COMMD2: variants seen among roughly 807,000 people sequenced by gnomAD.
COMMD2 encodes COMM domain containing 2.
A neutral mutation model predicts 22.5 loss-of-function variants in COMMD2; 25 were observed. That is an observed-to-expected ratio of 1.11 (90% CI 0.81 to 1.55). The LOEUF (loss-of-function observed/expected upper bound fraction) is 1.55. Among genes scored for constraint, COMMD2 ranks in the 40% most tolerant of loss-of-function variants. The pLI is 0.00. For missense variants in COMMD2, 223 were observed against 232.9 expected (o/e 0.96, Z 0.28); for synonymous variants, 98 against 91.2 (o/e 1.07, Z -0.42).
rs1242748557 is a variant in COMMD2, at chr3:149,740,675, G to A, written c.*846C>T. The A allele has an allele frequency of 6.6e-6, 1 of 152,154 alleles. No homozygotes were observed. Among genetic ancestry groups the A allele is most frequent in the Non-Finnish European group, 1.5e-5 (1 of 68,022 alleles). The allele number at this position is 152,154 out of a possible 1,614,324, so 9.4% of individuals were successfully genotyped here. ...AAATCCTATTGATGTTCAATATTCT[G>A]TGGCTATTAACACTGTGGGGTGTTT... On this transcript the variant is annotated 3_prime_UTR_variant, in exon 5 of 5. Transcript: ENST00000473414.
chr3:149,744,766 A>G (rs887516049), intron 4 of COMMD2, among the ~76,000 whole-genome samples: 1 of 152,168 alleles, frequency 6.6e-6, no homozygotes, highest in Non-Finnish European at 1.5e-5. Context: ...GTTTCAGCAA[A>G]TAAGCTGAGG....
At chr3:149,745,895 G>A (rs769850597) in intron 4 of COMMD2, among the ~76,000 whole-genome samples, 1 of 152,150 alleles carries the variant, frequency 6.6e-6, no homozygotes, top group Non-Finnish European at 1.5e-5. Context: ...TACTTTCAGT[G>A]ACATTGTGTT....
intron 4 of COMMD2, among the ~76,000 whole-genome samples, chr3:149,744,597 A>G (rs1461489224): frequency 6.6e-6 from 1 of 152,224 alleles, no homozygotes; most frequent in Non-Finnish European, 1.5e-5. Context: ...ATTAGGTGGT[A>G]ATTGTCCATC....
chr3:149,750,321 C>T, intron 4 of COMMD2: 1 of 399,716 alleles, frequency 2.5e-6, no homozygotes. Flanking sequence ...GTGTGAGTCA[C>T]AGTTAAATGC....
At chr3:149,752,098 A>G (rs1716547487) in intron 2 of COMMD2, 112 bp downstream of exon 2, 2 of 858,578 alleles carry the variant, frequency 2.3e-6, no homozygotes, top group African/African-American at 1.7e-5. Flanking sequence ...TTATTCTACT[A>G]CAATCGGAAC....
At chr3:149,745,758 C>G (rs1340620915) in intron 4 of COMMD2, among the ~76,000 whole-genome samples, 1 of 152,226 alleles carries the variant, frequency 6.6e-6, no homozygotes, top group African/African-American at 2.4e-5. Context: ...CTATGCCACC[C>G]ACTCTATCCC....
At chr3:149,749,857 T>C (rs1716482854) in intron 4 of COMMD2, among the ~76,000 whole-genome samples, 1 of 152,232 alleles carries the variant, frequency 6.6e-6, no homozygotes, top group African/African-American at 2.4e-5. Context: ...ATATTCTTTA[T>C]TCCCCATCAA....
At position 149,752,382 on chromosome 3, in the gene COMMD2, G is replaced by T. The variant is rs777839249; in HGVS notation, c.63C>A (p.Ser21Arg). ...EHLAFLPQVD[S>R]AVVAEFGRIA... ...ACCGCCCCCACGCCCGCTGACCCGC[G>T]CTGTCCACTTGAGGCAGGAAGGCCA... The change falls in exon 1 of 5, where the codon AGC (serine) becomes AGA (arginine). Residue 21 changes from serine (S) to arginine (R), a missense_variant. By Grantham distance (110) the Ser-to-Arg change is moderately radical. Transcript: ENST00000473414. 2 of 1,613,938 alleles carry T rather than the reference G, an allele frequency of 1.2e-6. No individual in the cohort carries two copies. The highest frequency in any genetic ancestry group is 1.1e-5 in the South Asian group (1 of 91,080).
Position 149,741,408 on chromosome 3 carries a change from G to T in COMMD2, c.*113C>A. The T allele has an allele frequency of 1.2e-6, 1 of 846,824 alleles. No individual in the cohort carries two copies. The highest frequency in any genetic ancestry group is 1.6e-5 in the South Asian group (1 of 62,558). 52.5% of individuals were successfully genotyped at this position (846,824 alleles called of 1,614,324 possible). On this transcript the variant is annotated 3_prime_UTR_variant, in exon 5 of 5. Transcript: ENST00000473414. ...CTCAGTATCTTGGAATAGATACTGA[G>T]GAATACTATGTATTTATCATCATGA...
At chr3:149,749,480 A>C (rs1219220763) in intron 4 of COMMD2, among the ~76,000 whole-genome samples, 1 of 152,226 alleles carries the variant, frequency 6.6e-6, no homozygotes, top group Non-Finnish European at 1.5e-5. Context: ...AGAAGCTTTA[A>C]AAAATCCTGA....
At position 149,741,451 on chromosome 3, in the gene COMMD2, T is replaced by A; in HGVS notation, c.*70A>T. ...CATCATGAATTAATAAAAAATTAAT[T>A]TTGAAAAGTAATTGCTGTATATCAT... On this transcript the variant is annotated 3_prime_UTR_variant, in exon 5 of 5. Transcript: ENST00000473414. 4.0e-6 allele frequency: 5 copies of A among 1,239,104 alleles called. No homozygotes were observed. In the Admixed American group the frequency reaches 8.7e-5, roughly 21 times the overall value. 76.8% of individuals were successfully genotyped at this position (1,239,104 alleles called of 1,614,324 possible).
chr3:149,750,966 G>A (rs1351512515), intron 3 of COMMD2, 115 bp from the exon 4 acceptor site: 4 of 683,502 alleles, frequency 5.9e-6, no homozygotes, highest in Non-Finnish European at 9.0e-6. Flanking sequence ...AAAAGAAACA[G>A]CATTCCTTAA....
chr3:149,746,121 A>G (rs1206695572), intron 4 of COMMD2, among the ~76,000 whole-genome samples: 1 of 152,212 alleles, frequency 6.6e-6, no homozygotes, highest in African/African-American at 2.4e-5. Context: ...AATTCAATCT[A>G]TCTTGAACTG....
intron 1 of COMMD2, 42 bp downstream of exon 1, chr3:149,752,336 C>T: frequency 6.2e-7 from 1 of 1,613,808 alleles, no homozygotes; most frequent in Non-Finnish European, 8.5e-7. Flanking sequence ...TGCCTTTGAC[C>T]TCCTCCCCAG....
chr3:149,741,493 C>G lies in COMMD2; in HGVS notation c.*28G>C, dbSNP rs935764449. ...GTATATCATCAATTCATAAGTGATT[C>G]AAATGAATTAAAACCTTAAAACTGG... On this transcript the variant is annotated 3_prime_UTR_variant, in exon 5 of 5. Coordinates refer to ENST00000473414, the MANE Select transcript of COMMD2 (RefSeq NM_016094.4). The G allele has an allele frequency of 6.4e-7, 1 of 1,564,014 alleles. No homozygotes were observed.
intron 4 of COMMD2, among the ~76,000 whole-genome samples, chr3:149,746,736 T>C (rs1716382292): frequency 1.3e-5 from 2 of 152,120 alleles, no homozygotes; most frequent in South Asian, 2.1e-4. Context: ...TGAGCCGAGA[T>C]TGCACCACTG....
At position 149,738,811 on chromosome 3, in the gene COMMD2, T is replaced by C. The variant is rs1716128934; in HGVS notation, c.*2710A>G. ...ACCCTTCATGATTTTTCAAACCATG[T>C]CAGATTCTCATTTTTCAATTCTCAA... is the stretch of plus-strand genomic sequence containing the variant. On this transcript the variant is annotated 3_prime_UTR_variant, in exon 5 of 5. Coordinates refer to ENST00000473414, the MANE Select transcript of COMMD2 (RefSeq NM_016094.4). The C allele has an allele frequency of 6.6e-6, 1 of 152,162 alleles. No homozygotes were observed. The highest frequency in any genetic ancestry group is 2.4e-5 in the African/African-American group (1 of 41,448). 9.4% of individuals were successfully genotyped at this position (152,162 alleles called of 1,614,324 possible).
intron 4 of COMMD2, among the ~76,000 whole-genome samples, chr3:149,744,014 T>C (rs914687924): frequency 6.6e-6 from 1 of 152,118 alleles, no homozygotes; most frequent in Non-Finnish European, 1.5e-5. Context: ...CTAACAAACA[T>C]CTAGTAAGAC....
At chr3:149,749,339 C>T (rs1288370118) in intron 4 of COMMD2, among the ~76,000 whole-genome samples, 1 of 152,202 alleles carries the variant, frequency 6.6e-6, no homozygotes, top group Non-Finnish European at 1.5e-5. Flanking sequence ...CTATTATCTG[C>T]TATTTCAGGT....
Sources: allele counts gnomAD v4.1 joint callset (sites outside exome capture counted in the v4.1 genomes callset), GRCh38; gene constraint gnomAD v4.1.1; transcripts MANE v1.5; gene names NCBI Gene and HGNC (gene_info 2026-07-23, HGNC 2026-07-21).